SATB1: variants seen among roughly 807,000 people sequenced by gnomAD.
SATB1 encodes the protein DNA-binding protein SATB1.
SATB1 carries 11 observed loss-of-function variants against 86.9 expected under a neutral mutation model. The observed-to-expected ratio is 0.13, with a 90% CI of 0.08 to 0.21. SATB1 has a LOEUF of 0.21. Ranked by LOEUF, SATB1 falls within the 10% of genes least tolerant of loss-of-function variation. The pLI, the probability that SATB1 is intolerant of heterozygous loss-of-function variation, is 1.00. For missense variants in SATB1, 551 were observed against 937.6 expected, an observed-to-expected ratio of 0.59 and a Z score of 5.39; for synonymous variants, 357 against 357.2, an observed-to-expected ratio of 1.00 and a Z score of 0.01.
chr3:18,351,953 T>C lies in SATB1; in HGVS notation c.1779+39A>G, dbSNP rs1224491490. The C allele has an allele frequency of 2.5e-6, 4 of 1,589,018 alleles. No homozygotes were observed. The Admixed American group carries it at 6.7e-5, about 27-fold the overall frequency. ...TTCCCTGCTAAGTTTAAAGCTTTAT[T>C]TACTTATTGCTATACTGAATTGGCC... On this transcript the variant is annotated intron_variant, in intron 10 of 10. Coordinates refer to ENST00000338745, the MANE Select transcript of SATB1 (RefSeq NM_002971.6).
Position 18,444,538 on chromosome 3 carries a change from A to G in SATB1, c.-25+980T>C. Reference sequence around the variant, plus strand: ...ACGGAGAAGTTTGGATTGATTCCGGAAAAAGAGGGACAGAGATAAAACAGC... The same window carrying G: ...ACGGAGAAGTTTGGATTGATTCCGGGAAAAGAGGGACAGAGATAAAACAGC... On this transcript the variant is annotated intron_variant, in intron 1 of 3. Coordinates refer to the SATB1 transcript ENST00000415069. This position sits in a 1 kb window ranked among gnomAD's most constrained non-coding sequence, Gnocchi z 5.1. The G allele has an allele frequency of 1.0e-6, 1 of 970,364 alleles. No homozygotes were observed. The allele number at this position is 970,364 out of a possible 1,614,324, so 60.1% of individuals were successfully genotyped here. A position where few individuals can be genotyped will look rare whatever the true frequency, so the allele number is the denominator to read the frequency against.
chr3:18,410,847 AG>A (rs1697799913), intron 5 of SATB1: 1 of 367,500 alleles, frequency 2.7e-6, no homozygotes, highest in Non-Finnish European at 4.8e-6. Context: ...ATAACATGAT[AG>A]ATTTGTAATT....
intron 10 of SATB1, chr3:18,351,334 T>C: frequency 6.4e-7 from 1 of 1,550,956 alleles, no homozygotes; most frequent in East Asian, 2.4e-5. Context: ...CACCGAGCCA[T>C]GGTGCAGGGG....
chr3:18,435,744 T>C (rs1361325977), intron 2 of SATB1, among the ~76,000 whole-genome samples: 2 of 152,036 alleles, frequency 1.3e-5, no homozygotes, highest in African/African-American at 2.4e-5. Flanking sequence ...CATCAGGGCC[T>C]GGAAAAATGA....
chr3:18,352,770 C>T lies in SATB1; in HGVS notation c.1576-575G>A, dbSNP rs1694433950. ...TTAGAATGGGCATTACAGGAATTTGCTATGAAAGAACTCTCCAAAGAGAGA... is the reference window on the plus strand; with the variant it reads ...TTAGAATGGGCATTACAGGAATTTGTTATGAAAGAACTCTCCAAAGAGAGA... On this transcript the variant is annotated intron_variant, in intron 9 of 10. Transcript: ENST00000338745. This position sits in a 1 kb window ranked among gnomAD's most constrained non-coding sequence, Gnocchi z 4.1. The T allele has an allele frequency of 1.3e-5, 2 of 152,932 alleles. No homozygotes were observed. Among genetic ancestry groups the T allele is most frequent in the African/African-American group, 4.8e-5 (2 of 41,416 alleles). 9.5% of individuals were successfully genotyped at this position (152,932 alleles called of 1,614,324 possible).
At chr3:18,414,086 C>T (rs939311226) in intron 5 of SATB1, among the ~76,000 whole-genome samples, 6 of 152,158 alleles carry the variant, frequency 3.9e-5, no homozygotes, top group Middle Eastern at 3.4e-3. Flanking sequence ...ACAGCAGCAT[C>T]CTACAGTTCA....
rs138475045 is a variant in SATB1 at position 18,392,609 on chromosome 3, A to T, written c.1206+1853T>A. 5.9e-3 allele frequency among the ~76,000 whole-genome samples: 903 copies of T among 151,842 alleles called. 6 individuals carry two copies. The highest frequency in any genetic ancestry group is 0.021 in the African/African-American group (861 of 41,412). Reference sequence around the variant, plus strand: ...CATATATATACACATATATATACATATATATATAATTTGTGTCTATGTCAT... The same window carrying T: ...CATATATATACACATATATATACATTTATATATAATTTGTGTCTATGTCAT... On this transcript the variant is annotated intron_variant, in intron 7 of 10. Transcript: ENST00000338745.
intron 9 of SATB1, among the ~76,000 whole-genome samples, chr3:18,373,526 C>A (rs562809043): frequency 2.0e-5 from 3 of 152,198 alleles, no homozygotes; most frequent in African/African-American, 4.8e-5. Context: ...ATGAAAATTA[C>A]ATTTTTAGCC....
intron 5 of SATB1, chr3:18,414,880 T>C (rs1698035284): frequency 2.3e-6 from 1 of 428,234 alleles, no homozygotes; most frequent in Non-Finnish European, 4.1e-6. Flanking sequence ...CACTGAACTG[T>C]TTTTCCTGTA....
At chr3:18,390,882 A>G (rs1316531828) in intron 7 of SATB1, among the ~76,000 whole-genome samples, 1 of 152,176 alleles carries the variant, frequency 6.6e-6, no homozygotes, top group African/African-American at 2.4e-5. Context: ...ATTAAATAGC[A>G]ATAAGATAGA....
intron 6 of SATB1, among the ~76,000 whole-genome samples, chr3:18,396,175 T>C (rs1252488636): frequency 6.6e-6 from 1 of 152,202 alleles, no homozygotes; most frequent in Non-Finnish European, 1.5e-5. Flanking sequence ...TTGTCTTCAT[T>C]ACAGCCTTAA....
chr3:18,433,152 C>A (rs932484715), intron 2 of SATB1, among the ~76,000 whole-genome samples: 1 of 152,028 alleles, frequency 6.6e-6, no homozygotes, highest in East Asian at 1.9e-4. Flanking sequence ...AAGAGAAAGG[C>A]GCATAGACAA....
At chr3:18,369,738 G>A (rs1464950149) in intron 9 of SATB1, among the ~76,000 whole-genome samples, 2 of 152,182 alleles carry the variant, frequency 1.3e-5, no homozygotes, top group Non-Finnish European at 2.9e-5. Flanking sequence ...AAAGGAGGAG[G>A]AGAGAGTTTA....
chr3:18,373,717 GGGGCCATGAA>G (rs1695590187), intron 9 of SATB1, among the ~76,000 whole-genome samples: 1 of 152,010 alleles, frequency 6.6e-6, no homozygotes, highest in Non-Finnish European at 1.5e-5. Context: ...TCTCATCCTA[GGGGCCATGAA>G]TCTCAATGAC....
At chr3:18,372,235 G>T (rs766156011) in intron 9 of SATB1, among the ~76,000 whole-genome samples, 3 of 152,096 alleles carry the variant, frequency 2.0e-5, no homozygotes, top group Non-Finnish European at 4.4e-5. Flanking sequence ...CCTTAAAGCT[G>T]GCTCAATATT....
chr3:18,416,690 T>A (rs1013498757), intron 3 of SATB1, among the ~76,000 whole-genome samples: 4 of 150,430 alleles, frequency 2.7e-5, no homozygotes, highest in Non-Finnish European at 3.0e-5. Context: ...TGAAGTAATT[T>A]AAAAAAAAAA....
chr3:18,393,872 A>G (rs1696816588), intron 7 of SATB1, among the ~76,000 whole-genome samples: 1 of 152,234 alleles, frequency 6.6e-6, no homozygotes, highest in Admixed American at 6.5e-5. Context: ...GGAAGACAAT[A>G]GCATGAGGGA....
intron 2 of SATB1, among the ~76,000 whole-genome samples, chr3:18,419,642 G>T (rs559426085): frequency 6.6e-6 from 1 of 152,200 alleles, no homozygotes; most frequent in African/African-American, 2.4e-5. Flanking sequence ...AATGCACTCT[G>T]TTTGAAAAGC....
At position 18,360,710 on chromosome 3, in the gene SATB1, T is replaced by G. The variant is rs566364992; in HGVS notation, c.1576-8515A>C. Among the ~76,000 whole-genome samples, 192 of 152,156 alleles carry G rather than the reference T, an allele frequency of 1.3e-3. 1 individual carries two copies. The highest frequency in any genetic ancestry group is 2.1e-3 in the Non-Finnish European group (145 of 68,014). On this transcript the variant is annotated intron_variant, in intron 9 of 10. Transcript: ENST00000338745. ...TAATAATGGTATTAATCTCACAGGATAGTAGCCAGTACAAGTGAAACAGAA... is the reference window on the plus strand; with the variant it reads ...TAATAATGGTATTAATCTCACAGGAGAGTAGCCAGTACAAGTGAAACAGAA...
Sources: gnomAD v4.1 joint callset for allele counts (sites outside exome capture counted in the v4.1 genomes callset) on GRCh38, gnomAD v4.1.1 for gene constraint, Gnocchi (gnomAD v3.1) non-coding constraint, MANE v1.5 for transcripts, NCBI Gene and HGNC (gene_info 2026-07-23, HGNC 2026-07-21) for gene names.